TLCD4: variants seen among roughly 807,000 people sequenced by gnomAD.
TLCD4 encodes the protein TLC domain containing 4.
In TLCD4, 7 loss-of-function variants were observed where a neutral mutation model predicts 24.2. That is an observed-to-expected ratio of 0.29 (90% CI 0.16 to 0.54). The LOEUF (loss-of-function observed/expected upper bound fraction) is 0.54. Ranked by LOEUF, TLCD4 falls within the 20% of genes least tolerant of loss-of-function variation. TLCD4 has a pLI of 0.95. For missense variants in TLCD4, 259 were observed against 313.9 expected (o/e 0.82, Z 1.32); for synonymous variants, 103 against 106.4 (o/e 0.97, Z 0.20).
intron 5 of TLCD4, among the ~76,000 whole-genome samples, chr1:95,165,704 G>A (rs1677996527): frequency 6.6e-6 from 1 of 152,170 alleles, no homozygotes; most frequent in Non-Finnish European, 1.5e-5. Flanking sequence ...GACCTCAGGT[G>A]ATCCACCCGC....
intron 5 of TLCD4, 117 bp from the exon 6 acceptor site, chr1:95,173,699 A>G: frequency 1.5e-6 from 2 of 1,300,702 alleles, no homozygotes; most frequent in Admixed American, 4.8e-5. Flanking sequence ...AAACTTCTTG[A>G]TCTGTTTTGG....
chr1:95,150,216 C>A lies in TLCD4; in HGVS notation c.254C>A (p.Pro85Gln). The change falls in exon 4 of 7, where the codon CCA becomes CAA. Residue 85 changes from proline (P) to glutamine (Q), a missense_variant. Transcript: ENST00000370203. ...ATKADPLWGG[P>Q]SLANVNIAIA... ...CCTTTTTTTTTTTTCAGGGGTGGTC[C>A]ATCACTTGCAAACGTGAATATTGCT... is the stretch of plus-strand genomic sequence containing the variant. 1 of 1,607,370 alleles carries A rather than the reference C, an allele frequency of 6.2e-7. No homozygotes were observed.
At chr1:95,188,401 A>G (rs1219860412) in intron 6 of TLCD4, among the ~76,000 whole-genome samples, 3 of 151,626 alleles carry the variant, frequency 2.0e-5, no homozygotes, top group Non-Finnish European at 4.4e-5. Flanking sequence ...AAAAAAAAAA[A>G]AAAAAAAAGA....
Position 95,167,111 on chromosome 1 carries a change from A to T in TLCD4, c.400-6705A>T, listed in dbSNP as rs994014638. 3.3e-5 allele frequency among the ~76,000 whole-genome samples: 5 copies of T among 151,926 alleles called. No individual in the cohort carries two copies. The South Asian group carries it at 1.0e-3, about 31-fold the overall frequency. On this transcript the variant is annotated intron_variant, in intron 5 of 6. Coordinates refer to ENST00000370203, the MANE Select transcript of TLCD4 (RefSeq NM_152487.3). ...ATCAGTATTTTTCCTGATGGCCCTCAGTATGCGTCTCATTTTATTCTCATG... is the reference window on the plus strand; with the variant it reads ...ATCAGTATTTTTCCTGATGGCCCTCTGTATGCGTCTCATTTTATTCTCATG...
chr1:95,122,406 A>G (rs1433641266), intron 1 of TLCD4, among the ~76,000 whole-genome samples: 4 of 152,100 alleles, frequency 2.6e-5, no homozygotes, highest in Non-Finnish European at 5.9e-5. Context: ...ATCAGAGTTC[A>G]CCCCAGCACG....
At chr1:95,177,599 G>A (rs1393752991) in intron 6 of TLCD4, among the ~76,000 whole-genome samples, 4 of 151,984 alleles carry the variant, frequency 2.6e-5, no homozygotes, top group African/African-American at 7.2e-5. Context: ...TAAAATTTTT[G>A]TTTAACCGCT....
chr1:95,151,627 G>C (rs1677493547), intron 5 of TLCD4, among the ~76,000 whole-genome samples: 1 of 152,052 alleles, frequency 6.6e-6, no homozygotes, highest in South Asian at 2.1e-4. Context: ...GTGTCTGTTT[G>C]TATTCATAGA....
At chr1:95,150,362 A>G in intron 4 of TLCD4, 96 bp downstream of exon 4, 3 of 1,483,976 alleles carry the variant, frequency 2.0e-6, no homozygotes, top group Non-Finnish European at 1.8e-6. Flanking sequence ...TATTTGAGAG[A>G]TAGCATTTAG....
At chr1:95,187,865 T>C (rs1266961175) in intron 6 of TLCD4, among the ~76,000 whole-genome samples, 1 of 151,832 alleles carries the variant, frequency 6.6e-6, no homozygotes, top group Non-Finnish European at 1.5e-5. Context: ...GGTTGGTTCT[T>C]GGTGAGGCGC....
chr1:95,148,574 C>T, intron 2 of TLCD4, 128 bp from the exon 3 acceptor site: 1 of 1,273,324 alleles, frequency 7.9e-7, no homozygotes, highest in Non-Finnish European at 1.1e-6. Flanking sequence ...ATTATACTCT[C>T]CGTTATACTT....
intron 1 of TLCD4, among the ~76,000 whole-genome samples, chr1:95,122,866 C>G (rs1676608008): frequency 2.0e-5 from 3 of 152,092 alleles, no homozygotes. Context: ...AAACTTCTCT[C>G]TATATCTGTA....
At chr1:95,100,882 C>T in the TLCD4 span, among the ~76,000 whole-genome samples, 3 of 151,094 alleles carry the variant, frequency 2.0e-5, no homozygotes, top group East Asian at 5.8e-4. Context: ...GACTTCAAGG[C>T]CCATTTATGC....
At chr1:95,191,435 A>C in intron 6 of TLCD4, 115 bp from the exon 7 acceptor site, 1 of 1,324,612 alleles carries the variant, frequency 7.5e-7, no homozygotes, top group Non-Finnish European at 1.0e-6. Context: ...TGCGTATGCT[A>C]TTCTAGGCCC....
chr1:95,096,330 G>A, the TLCD4 span, among the ~76,000 whole-genome samples: 24 of 152,186 alleles, frequency 1.6e-4, no homozygotes, highest in East Asian at 1.9e-4. Context: ...GCTGTTTTCC[G>A]GCCTTAGGTG....
upstream of TLCD4, among the ~76,000 whole-genome samples, chr1:95,116,863 G>T (rs1375548248): frequency 1.3e-5 from 2 of 152,046 alleles, no homozygotes; most frequent in Non-Finnish European, 2.9e-5. Context: ...TTCTACACGC[G>T]CCCCCTACCA....
the TLCD4 span, among the ~76,000 whole-genome samples, chr1:95,102,609 T>A: frequency 0.018 from 2,773 of 152,208 alleles, 85 homozygotes; most frequent in African/African-American, 0.064. Flanking sequence ...CAAGAATGAG[T>A]TTTAGATGGC....
the TLCD4 span, among the ~76,000 whole-genome samples, chr1:95,099,634 T>C: frequency 1.3e-5 from 2 of 152,136 alleles, no homozygotes; most frequent in Non-Finnish European, 2.9e-5. Context: ...TATATATACA[T>C]TCATTAATAA....
At chr1:95,111,221 C>T in the TLCD4 span, among the ~76,000 whole-genome samples, 1 of 151,702 alleles carries the variant, frequency 6.6e-6, no homozygotes, top group African/African-American at 2.4e-5. Context: ...TTGAGCCCTG[C>T]AGCTCAAGAT....
the TLCD4 span, among the ~76,000 whole-genome samples, chr1:95,098,869 A>T: frequency 6.6e-6 from 1 of 151,970 alleles, no homozygotes; most frequent in Non-Finnish European, 1.5e-5. Flanking sequence ...GTTCAAGACC[A>T]GCCTGACCAA....
Sources: allele counts gnomAD v4.1 joint callset (sites outside exome capture counted in the v4.1 genomes callset), GRCh38; gene constraint gnomAD v4.1.1; transcripts MANE v1.5; gene names NCBI Gene and HGNC (gene_info 2026-07-23, HGNC 2026-07-21).